ABCC2: variants seen among roughly 807,000 people sequenced by gnomAD.
The protein encoded by ABCC2 is ATP binding cassette subfamily C member 2, also known as ATP-binding cassette sub-family C member 2.
In ABCC2, 157 loss-of-function variants were observed where a neutral mutation model predicts 173.4. The observed-to-expected ratio is 0.91, with a 90% CI of 0.80 to 1.03. The LOEUF is 1.03. ABCC2 is among the 50% of genes least tolerant of loss of function. The pLI, the probability that ABCC2 is intolerant of heterozygous loss-of-function variation, is 0.00. For synonymous variants in ABCC2, 657 were observed against 693.5 expected (o/e 0.95, Z 0.83); for missense variants, 1,822 against 1,852.3 (o/e 0.98, Z 0.30).
chr10:99,823,702 G>A (rs1268378168), intron 19 of ABCC2, among the ~76,000 whole-genome samples: 2 of 139,214 alleles, frequency 1.4e-5, no homozygotes, highest in South Asian at 4.9e-4. Flanking sequence ...ATTTTAGGTA[G>A]AATCCAAGTA....
chr10:99,819,215 G>T lies in ABCC2; in HGVS notation c.2566G>T (p.Ala856Ser). 1 of 1,614,128 alleles carries T rather than the reference G, an allele frequency of 6.2e-7. No homozygotes were observed. The highest frequency in any genetic ancestry group is 8.5e-7 in the Non-Finnish European group (1 of 1,180,018). ...SALLAKKGEF[A>S]KNLKTFLRHT... ...TCTCCTGGCCAAAAAAGGAGAGTTTGCTAAGAATCTGAAGACATTTCTAAG... is the reference window on the plus strand; with the variant it reads ...TCTCCTGGCCAAAAAAGGAGAGTTTTCTAAGAATCTGAAGACATTTCTAAG... Residue 856 changes from alanine (A) to serine (S), a missense_variant, in exon 19 of 32, where the codon GCT (alanine) becomes TCT (serine). Ala to Ser is a moderately conservative substitution (Grantham distance 99). Coordinates refer to ENST00000647814, the MANE Select transcript of ABCC2 (RefSeq NM_000392.5).
chr10:99,830,653 C>A, intron 20 of ABCC2, 63 bp from the exon 21 acceptor site: 1 of 1,610,608 alleles, frequency 6.2e-7, no homozygotes, highest in African/African-American at 1.3e-5. Flanking sequence ...GTGACTGTGA[C>A]ATCTGCTTGC....
Position 99,784,773 on chromosome 10 carries a change from G to A in ABCC2, c.199G>A (p.Ala67Thr). ...ATCCTCTACCACCAAACTCTATCTT[G>A]CTAAGCAGGTAAAGTTAACACCACT... ...KRSSTTKLYLAKQVFVGFLLI... is the reference protein window; with the variant it reads ...KRSSTTKLYLTKQVFVGFLLI... Residue 67 changes from alanine (A) to threonine (T), a missense_variant, in exon 2 of 32, where the codon GCT becomes ACT. Physicochemically the swap from Ala to Thr is moderately conservative, Grantham distance 58. Coordinates refer to ENST00000647814, the MANE Select transcript of ABCC2 (RefSeq NM_000392.5). 1 of 1,614,060 alleles carries A rather than the reference G, an allele frequency of 6.2e-7. No individual in the cohort carries two copies. Among genetic ancestry groups the A allele is most frequent in the Non-Finnish European group, 8.5e-7 (1 of 1,179,994 alleles).
intron 31 of ABCC2, among the ~76,000 whole-genome samples, 190 bp downstream of exon 31, chr10:99,850,986 A>T (rs548804293): frequency 4.6e-5 from 7 of 152,354 alleles, no homozygotes; most frequent in Admixed American, 6.5e-5. Context: ...GAACAAGGTT[A>T]AGGGAACTAT....
At chr10:99,847,276 C>T (rs2039032172) in intron 30 of ABCC2, 149 bp downstream of exon 30, 5 of 1,001,444 alleles carry the variant, frequency 5.0e-6, no homozygotes, top group Non-Finnish European at 7.6e-6. Context: ...GTAAAGTTCA[C>T]AAGATAAAAT....
intron 26 of ABCC2, among the ~76,000 whole-genome samples, chr10:99,842,612 C>G (rs1387068442): frequency 6.6e-6 from 1 of 152,188 alleles, no homozygotes; most frequent in Admixed American, 6.5e-5. Context: ...GCACCTAAGA[C>G]AGTGGCTGGC....
chr10:99,829,815 A>C (rs923469969), intron 19 of ABCC2, among the ~76,000 whole-genome samples: 2 of 152,168 alleles, frequency 1.3e-5, no homozygotes, highest in African/African-American at 2.4e-5. Context: ...TTGTAGACAT[A>C]GAGTTTGCCT....
intron 30 of ABCC2, 31 bp downstream of exon 30, chr10:99,847,158 G>T (rs770148569): frequency 6.2e-7 from 1 of 1,613,328 alleles, no homozygotes; most frequent in African/African-American, 1.3e-5. Flanking sequence ...ACCCCTGCAG[G>T]CAATGAGAGG....
intron 10 of ABCC2, among the ~76,000 whole-genome samples, chr10:99,805,107 G>A (rs1375780593): frequency 2.0e-5 from 3 of 152,160 alleles, no homozygotes; most frequent in Non-Finnish European, 4.4e-5. Flanking sequence ...CCTTGGGAAG[G>A]GCAGGGAAAG....
intron 14 of ABCC2, among the ~76,000 whole-genome samples, chr10:99,810,677 G>A (rs538938209): frequency 6.6e-6 from 1 of 152,328 alleles, no homozygotes; most frequent in East Asian, 1.9e-4. Flanking sequence ...AGTATACCCA[G>A]AGTATCCATA....
At chr10:99,798,140 G>A (rs2037953425) in intron 7 of ABCC2, 1 of 152,346 alleles carries the variant, frequency 6.6e-6, no homozygotes, top group African/African-American at 2.4e-5. Context: ...TTGAGCAGAG[G>A]AGTAATGAGA....
At chr10:99,800,591 A>AATACGGC (rs1271018614) in intron 9 of ABCC2, 28 bp downstream of exon 9, 1 of 1,612,522 alleles carries the variant, frequency 6.2e-7, no homozygotes, top group Admixed American at 1.7e-5. Context: ...GGTATCACCA[A>AATACGGC]AGAAAATCCC....
At chr10:99,794,053 A>T in intron 5 of ABCC2, 54 bp downstream of exon 5, 4 of 1,499,882 alleles carry the variant, frequency 2.7e-6, no homozygotes, top group Non-Finnish European at 3.7e-6. Flanking sequence ...TGATATCTTA[A>T]TGAATATAAC....
intron 26 of ABCC2, among the ~76,000 whole-genome samples, chr10:99,843,051 T>A (rs2038969616): frequency 7.2e-6 from 1 of 138,368 alleles, no homozygotes. Flanking sequence ...AGATTCCATC[T>A]CAAAAAAAAA....
chr10:99,849,403 G>A (rs1420081311), intron 30 of ABCC2, among the ~76,000 whole-genome samples: 1 of 152,198 alleles, frequency 6.6e-6, no homozygotes, highest in Non-Finnish European at 1.5e-5. Context: ...AGGGTACAAT[G>A]GGAGGCCTTG....
chr10:99,792,890 T>C (rs1290597299), intron 3 of ABCC2, among the ~76,000 whole-genome samples: 1 of 152,232 alleles, frequency 6.6e-6, no homozygotes, highest in East Asian at 1.9e-4. Flanking sequence ...TTTCAAACTT[T>C]ATTGAAAAAT....
At chr10:99,843,188 C>G (rs2038971484) in intron 26 of ABCC2, among the ~76,000 whole-genome samples, 1 of 152,066 alleles carries the variant, frequency 6.6e-6, no homozygotes, top group Admixed American at 6.6e-5. Flanking sequence ...GCTTTTTAGC[C>G]CAGGACAGAC....
chr10:99,830,143 TA>T (rs2133110403), intron 19 of ABCC2, among the ~76,000 whole-genome samples, 163 bp from the exon 20 acceptor site: 1 of 152,338 alleles, frequency 6.6e-6, no homozygotes, highest in Non-Finnish European at 1.5e-5. Context: ...GATGTACTAA[TA>T]ACTATGTATG....
chr10:99,820,673 G>A (rs889144236), intron 19 of ABCC2, among the ~76,000 whole-genome samples: 13 of 152,212 alleles, frequency 8.5e-5, no homozygotes, highest in Non-Finnish European at 1.5e-4. Flanking sequence ...GAACAGGATG[G>A]TGTAGGTGAC....
Sources: gnomAD v4.1 joint callset for allele counts (sites outside exome capture counted in the v4.1 genomes callset) on GRCh38, gnomAD v4.1.1 for gene constraint, MANE v1.5 for transcripts, NCBI Gene and HGNC (gene_info 2026-07-23, HGNC 2026-07-21) for gene names.